Variants in HMGCLL1 observed in about 807,000 individuals in gnomAD.
The protein encoded by HMGCLL1 is 3-hydroxy-3-methylglutaryl-CoA lyase like 1.
Under a neutral mutation model 39.1 loss-of-function variants are expected in HMGCLL1, and 36 were observed. The ratio of observed to expected loss-of-function variants is 0.92; its 90% CI spans 0.71 to 1.22. The LOEUF is 1.22. Among genes scored for constraint, HMGCLL1 ranks in the 50% most tolerant of loss-of-function variants. The pLI, the probability that HMGCLL1 is intolerant of heterozygous loss-of-function variation, is 0.00. For missense variants in HMGCLL1, 451 were observed against 416.5 expected (o/e 1.08, Z -0.72); for synonymous variants, 149 against 144.0 (o/e 1.03, Z -0.25).
At chr6:55,573,227 C>G (rs567576040) in intron 1 of HMGCLL1, among the ~76,000 whole-genome samples, 17 of 152,120 alleles carry the variant, frequency 1.1e-4, no homozygotes, top group African/African-American at 4.1e-4. Context: ...GTTATCTCTA[C>G]GCTTATTGTT....
At chr6:55,621,290 G>A in the HMGCLL1 span, among the ~76,000 whole-genome samples, 2 of 151,970 alleles carry the variant, frequency 1.3e-5, no homozygotes, top group Non-Finnish European at 2.9e-5. Context: ...ATTCTTTTCA[G>A]TTTCTTGCAT....
the HMGCLL1 span, among the ~76,000 whole-genome samples, chr6:55,657,876 A>G: frequency 3.3e-5 from 5 of 152,010 alleles, no homozygotes; most frequent in Admixed American, 6.6e-5. Context: ...ATGGACACAT[A>G]GGGGGAACAA....
At chr6:55,566,668 G>T (rs1157282398) in intron 1 of HMGCLL1, 3 of 454,758 alleles carry the variant, frequency 6.6e-6, no homozygotes, top group South Asian at 4.7e-5. Flanking sequence ...ATTGTGCACT[G>T]TGTGAATTAA....
At chr6:55,483,155 T>A (rs998637726) in intron 7 of HMGCLL1, among the ~76,000 whole-genome samples, 2 of 152,202 alleles carry the variant, frequency 1.3e-5, no homozygotes, top group African/African-American at 2.4e-5. Context: ...TATCATTAAG[T>A]CAATTCTTTG....
At chr6:55,503,469 G>A (rs1766996665) in intron 5 of HMGCLL1, among the ~76,000 whole-genome samples, 1 of 98,762 alleles carries the variant, frequency 1.0e-5, no homozygotes, top group Non-Finnish European at 2.3e-5. Flanking sequence ...TTTCATTGAT[G>A]AAACCTGAGA....
intron 6 of HMGCLL1, among the ~76,000 whole-genome samples, chr6:55,497,431 G>A (rs1170405096): frequency 6.6e-6 from 1 of 152,112 alleles, no homozygotes; most frequent in Non-Finnish European, 1.5e-5. Flanking sequence ...ATACTGATTC[G>A]CTCATTCATT....
chr6:55,635,457 A>G, the HMGCLL1 span, among the ~76,000 whole-genome samples: 4 of 152,150 alleles, frequency 2.6e-5, no homozygotes, highest in African/African-American at 9.6e-5. Flanking sequence ...TTTTATTTTA[A>G]TGGAATATAC....
At chr6:55,631,223 T>C in the HMGCLL1 span, among the ~76,000 whole-genome samples, 1 of 152,122 alleles carries the variant, frequency 6.6e-6, no homozygotes, top group Non-Finnish European at 1.5e-5. Flanking sequence ...CCACCTTCTC[T>C]TTAAGGCCAA....
intron 7 of HMGCLL1, among the ~76,000 whole-genome samples, chr6:55,468,180 C>A (rs1764874000): frequency 6.6e-6 from 1 of 151,924 alleles, no homozygotes; most frequent in Non-Finnish European, 1.5e-5. Context: ...AGGCTGTATG[C>A]AGAACTTGAG....
At chr6:55,484,998 T>G (rs1161376322) in intron 7 of HMGCLL1, among the ~76,000 whole-genome samples, 2 of 152,156 alleles carry the variant, frequency 1.3e-5, no homozygotes, top group African/African-American at 4.8e-5. Context: ...CTTACTCACT[T>G]ATCTCCAGCC....
chr6:55,447,103 G>T (rs1372150165), intron 7 of HMGCLL1, among the ~76,000 whole-genome samples: 1 of 151,792 alleles, frequency 6.6e-6, no homozygotes, highest in Non-Finnish European at 1.5e-5. Flanking sequence ...CCAAAGGACT[G>T]AAATTACCCA....
chr6:55,493,859 A>T (rs1766445759), intron 7 of HMGCLL1, among the ~76,000 whole-genome samples: 1 of 151,854 alleles, frequency 6.6e-6, no homozygotes, highest in African/African-American at 2.4e-5. Context: ...CAGCCTCCCA[A>T]GTAGCTGGGA....
intron 7 of HMGCLL1, among the ~76,000 whole-genome samples, chr6:55,445,890 C>T (rs1581788481): frequency 6.6e-6 from 1 of 152,130 alleles, no homozygotes; most frequent in Middle Eastern, 3.4e-3. Context: ...GTGTTGCAGT[C>T]CCTCAAAACT....
In HMGCLL1 at chr6:55,477,265, T is replaced by G. The variant is rs1244091013; in HGVS notation, c.795+18154A>C. ...TTTATATAATATATAATATATATTATATAATATATATTATATATTATATAT... is the reference window on the plus strand; with the variant it reads ...TTTATATAATATATAATATATATTAGATAATATATATTATATATTATATAT... On this transcript the variant is annotated intron_variant, in intron 7 of 8. Transcript: ENST00000274901. Among the ~76,000 whole-genome samples, 22 of 21,330 alleles carry G rather than the reference T, an allele frequency of 1.0e-3. 1 individual carries two copies. Among genetic ancestry groups the G allele is most frequent in the African/African-American group, 0.01 (21 of 2,094 alleles). 14.0% of individuals were successfully genotyped at this position (21,330 alleles called of 152,430 possible). A position where few individuals can be genotyped will look rare whatever the true frequency, so the allele number is the denominator to read the frequency against.
the HMGCLL1 span, among the ~76,000 whole-genome samples, chr6:55,657,934 GA>G: frequency 6.6e-6 from 1 of 151,668 alleles, no homozygotes; most frequent in Non-Finnish European, 1.5e-5. Context: ...GAGGGGGGAG[GA>G]TCAGGAAAAA....
chr6:55,668,399 A>G, the HMGCLL1 span, among the ~76,000 whole-genome samples: 4 of 151,890 alleles, frequency 2.6e-5, no homozygotes, highest in Non-Finnish European at 4.4e-5. Flanking sequence ...TATCAGCCAG[A>G]GTCAGCTTCT....
the HMGCLL1 span, among the ~76,000 whole-genome samples, chr6:55,628,010 C>G: frequency 8.0e-4 from 9 of 11,206 alleles, no homozygotes; most frequent in Admixed American, 1.8e-3. Flanking sequence ...TAGTTATATA[C>G]TATATATATA....
chr6:55,617,093 A>C, the HMGCLL1 span, among the ~76,000 whole-genome samples: 1 of 152,068 alleles, frequency 6.6e-6, no homozygotes, highest in Admixed American at 6.6e-5. Flanking sequence ...TATTTGTTAC[A>C]CAGGTAAATG....
the HMGCLL1 span, among the ~76,000 whole-genome samples, chr6:55,605,594 A>T: frequency 1.3e-5 from 2 of 152,094 alleles, no homozygotes; most frequent in African/African-American, 4.8e-5. Context: ...TTAGGATTAT[A>T]CTTCTTATCC....
Sources: allele counts gnomAD v4.1 joint callset (sites outside exome capture counted in the v4.1 genomes callset), GRCh38; gene constraint gnomAD v4.1.1; transcripts MANE v1.5; gene names NCBI Gene and HGNC (gene_info 2026-07-23, HGNC 2026-07-21).